The following CNTNAP2 variants were observed in gnomAD, a reference collection of about 807,000 sequenced individuals.
CNTNAP2 encodes contactin-associated protein-like 2.
CNTNAP2 carries 98 observed loss-of-function variants against 155.2 expected under a neutral mutation model. The observed-to-expected ratio is 0.63, with a 90% CI of 0.54 to 0.75. CNTNAP2 has a LOEUF of 0.75. Ranked by LOEUF, CNTNAP2 falls within the 30% of genes least tolerant of loss-of-function variation. The pLI, the probability that CNTNAP2 is intolerant of heterozygous loss-of-function variation, is 0.00. For synonymous variants in CNTNAP2, 651 were observed against 631.2 expected (o/e 1.03, Z -0.47); for missense variants, 1,727 against 1,688.1 (o/e 1.02, Z -0.40).
At chr7:147,473,782 G>A (rs1798268452) in intron 10 of CNTNAP2, among the ~76,000 whole-genome samples, 2 of 152,152 alleles carry the variant, frequency 1.3e-5, no homozygotes, top group Admixed American at 6.5e-5. Context: ...GAAGAGGACA[G>A]AACTGATCCA....
chr7:146,633,329 G>T (rs1340336438), intron 1 of CNTNAP2, among the ~76,000 whole-genome samples: 8 of 152,122 alleles, frequency 5.3e-5, no homozygotes, highest in Admixed American at 4.6e-4. Context: ...TTTAACTGGG[G>T]TTACTCATTT....
intron 3 of CNTNAP2, among the ~76,000 whole-genome samples, chr7:146,942,558 G>A (rs552522063): frequency 6.6e-6 from 1 of 152,018 alleles, no homozygotes; most frequent in South Asian, 2.1e-4. Context: ...CAAAAAACTT[G>A]CATAAATTAA....
At chr7:148,163,727 T>C (rs1805594899) in intron 17 of CNTNAP2, among the ~76,000 whole-genome samples, 1 of 152,238 alleles carries the variant, frequency 6.6e-6, no homozygotes, top group African/African-American at 2.4e-5. Flanking sequence ...GAAAGCTTTT[T>C]TCATACTTGC....
intron 13 of CNTNAP2, among the ~76,000 whole-genome samples, chr7:147,736,345 T>C (rs1196698762): frequency 6.6e-6 from 1 of 152,216 alleles, no homozygotes; most frequent in Non-Finnish European, 1.5e-5. Context: ...TGTTGAATAT[T>C]GGCCCCCACT....
At chr7:147,208,797 T>G (rs1160136540) in intron 8 of CNTNAP2, among the ~76,000 whole-genome samples, 1 of 151,994 alleles carries the variant, frequency 6.6e-6, no homozygotes, top group African/African-American at 2.4e-5. Context: ...TATAAGAATA[T>G]TAGGATTTGA....
At chr7:147,015,723 A>C in intron 3 of CNTNAP2, among the ~76,000 whole-genome samples, 1 of 151,866 alleles carries the variant, frequency 6.6e-6, no homozygotes, top group East Asian at 1.9e-4. Flanking sequence ...TAAGAAGGGT[A>C]AAAACACACC....
intron 1 of CNTNAP2, among the ~76,000 whole-genome samples, chr7:146,528,353 C>A (rs1278456928): frequency 6.6e-6 from 1 of 152,100 alleles, no homozygotes; most frequent in Admixed American, 6.6e-5. Flanking sequence ...TTAGTTTTCT[C>A]AACTGCAAAG....
intron 1 of CNTNAP2, among the ~76,000 whole-genome samples, chr7:146,192,056 T>C (rs545254518): frequency 5.3e-4 from 81 of 152,266 alleles, no homozygotes; most frequent in Non-Finnish European, 9.8e-4. Context: ...TGTTCAGAGA[T>C]TGCAGAAAGA....
chr7:147,541,687 C>T (rs890839131), intron 11 of CNTNAP2, among the ~76,000 whole-genome samples: 2 of 152,128 alleles, frequency 1.3e-5, no homozygotes, highest in East Asian at 1.9e-4. Context: ...TTTGGTTACA[C>T]TCAATATATT....
intron 11 of CNTNAP2, among the ~76,000 whole-genome samples, chr7:147,501,711 T>A (rs1019989477): frequency 2.6e-5 from 4 of 152,232 alleles, no homozygotes; most frequent in Non-Finnish European, 5.9e-5. Flanking sequence ...TAAGCTATGA[T>A]GTTTGCTATG....
intron 1 of CNTNAP2, among the ~76,000 whole-genome samples, chr7:146,145,463 T>C (rs1797945003): frequency 6.6e-6 from 1 of 152,176 alleles, no homozygotes; most frequent in African/African-American, 2.4e-5. Context: ...ATTAGAAATC[T>C]TTGCAGCAAG....
At chr7:147,615,277 CAAAAAAAAAAAAAAAAAA>C (rs58247626) in intron 12 of CNTNAP2, among the ~76,000 whole-genome samples, 4 of 28,034 alleles carry the variant, frequency 1.4e-4, no homozygotes, top group Non-Finnish European at 1.8e-4. Flanking sequence ...GACCCTGTCT[CAAAAAAAAAAAAAAAAAA>C]AAAAAAAAAA....
chr7:146,737,944 A>G (rs551651377), intron 1 of CNTNAP2, among the ~76,000 whole-genome samples: 3 of 152,232 alleles, frequency 2.0e-5, no homozygotes, highest in East Asian at 3.9e-4. Flanking sequence ...AGCTGATTCA[A>G]TATCTTAGCT....
At chr7:147,384,468 G>A (rs1796594410) in intron 9 of CNTNAP2, among the ~76,000 whole-genome samples, 1 of 152,088 alleles carries the variant, frequency 6.6e-6, no homozygotes, top group South Asian at 2.1e-4. Flanking sequence ...TGAGAGTCAG[G>A]AGTCAGAATA....
chr7:146,743,441 A>G (rs1321239116), intron 1 of CNTNAP2, among the ~76,000 whole-genome samples: 1 of 152,188 alleles, frequency 6.6e-6, no homozygotes, highest in African/African-American at 2.4e-5. Context: ...GCATCTTATT[A>G]CAAACTAGTG....
At chr7:146,828,148 CTGAA>C (rs1168614605) in intron 2 of CNTNAP2, among the ~76,000 whole-genome samples, 4 of 151,816 alleles carry the variant, frequency 2.6e-5, no homozygotes, top group Non-Finnish European at 4.4e-5. Context: ...CAAATATTTG[CTGAA>C]TGAATGAACC....
At chr7:146,142,278 C>A (rs956579939) in intron 1 of CNTNAP2, among the ~76,000 whole-genome samples, 1 of 152,184 alleles carries the variant, frequency 6.6e-6, no homozygotes, top group African/African-American at 2.4e-5. Flanking sequence ...TCTTTCTTCA[C>A]TCCCCTCATT....
intron 1 of CNTNAP2, among the ~76,000 whole-genome samples, chr7:146,753,901 G>A (rs1405853264): frequency 6.6e-6 from 1 of 151,992 alleles, no homozygotes; most frequent in Non-Finnish European, 1.5e-5. Flanking sequence ...ACTATATGAA[G>A]ATTCAACCTA....
intron 21 of CNTNAP2, among the ~76,000 whole-genome samples, chr7:148,342,050 T>C (rs1798246182): frequency 6.6e-6 from 1 of 152,216 alleles, no homozygotes; most frequent in African/African-American, 2.4e-5. Context: ...TTTATGTCTT[T>C]AATTTCTTCT....
Sources: allele counts gnomAD v4.1 joint callset (sites outside exome capture counted in the v4.1 genomes callset), GRCh38; gene constraint gnomAD v4.1.1; transcripts MANE v1.5; gene names NCBI Gene and HGNC (gene_info 2026-07-23, HGNC 2026-07-21).